BRF1: variants seen among roughly 807,000 people sequenced by gnomAD.
BRF1 encodes BRF1 general transcription factor IIIB subunit, also known as transcription factor IIIB 90 kDa subunit.
A neutral mutation model predicts 81.7 loss-of-function variants in BRF1; 59 were observed. The ratio of observed to expected loss-of-function variants is 0.72; its 90% CI spans 0.59 to 0.90. The LOEUF (loss-of-function observed/expected upper bound fraction) is 0.90, where lower values mean the gene tolerates loss of function less well. Among genes scored for constraint, BRF1 ranks in the 40% least tolerant of loss-of-function variants. The probability of loss-of-function intolerance (pLI) is 0.00; values close to 1 mark genes in which losing one functional copy is unlikely to be tolerated. For missense variants in BRF1, 1,050 were observed against 936.3 expected, an observed-to-expected ratio of 1.12 and a Z score of -1.58; for synonymous variants, 491 against 395.6, an observed-to-expected ratio of 1.24 and a Z score of -2.86.
At chr14:105,288,989 T>A (rs1425542651) in intron 1 of BRF1, among the ~76,000 whole-genome samples, 1 of 145,916 alleles carries the variant, frequency 6.9e-6, no homozygotes. Context: ...TGAGCTGAGA[T>A]CGTGCCACTG....
intron 5 of BRF1, chr14:105,250,700 G>C (rs1048519197): frequency 6.3e-7 from 1 of 1,585,226 alleles, no homozygotes; most frequent in African/African-American, 1.3e-5. Context: ...CAGCAGGTCA[G>C]CGAGTGAGTG....
chr14:105,228,894 T>G lies in BRF1; in HGVS notation c.714A>C (p.Arg238Ser), dbSNP rs2054249067. 1 of 1,613,588 alleles carries G rather than the reference T, an allele frequency of 6.2e-7. No individual in the cohort carries two copies. Among genetic ancestry groups the G allele is most frequent in the Non-Finnish European group, 8.5e-7 (1 of 1,180,006 alleles). Residue 238 changes from arginine (R) to serine (S), a missense_variant, in exon 7 of 18, where the codon AGA becomes AGC. Physicochemically the swap from Arg to Ser is moderately radical, Grantham distance 110. Coordinates refer to ENST00000547530, the MANE Select transcript of BRF1 (RefSeq NM_001519.4). Reference protein sequence around the residue: ...LCGAALLVAARMHDFRRTVKE... With the variant: ...LCGAALLVAASMHDFRRTVKE... ...TCACAGTCCTCCTGAAGTCATGCAT[T>G]CTGGCTGCAACCAGGAGCGCTGGAA...
rs1020302194 is a variant in BRF1 at position 105,221,678 on chromosome 14, C to A, written c.1285G>T (p.Glu429Ter). The A allele has an allele frequency of 6.2e-7, 1 of 1,611,508 alleles. No individual in the cohort carries two copies. Among genetic ancestry groups the A allele is most frequent in the African/African-American group, 1.3e-5 (1 of 74,968 alleles). ...TCGCTGCTCTGAGAGGAGATGCATT[C>A]GCGGATGGAGTCTGAGATGCCCAGG... is the stretch of plus-strand genomic sequence containing the variant. ...ASLGISDSIR[E>*]CISSQSSDPK... Residue 429 changes from glutamate (E) to a stop codon, truncating the protein, a stop_gained, in exon 11 of 18, where the codon GAA (glutamate) becomes TAA (stop). Coordinates refer to ENST00000547530, the MANE Select transcript of BRF1 (RefSeq NM_001519.4). LOFTEE classifies it high-confidence loss of function.
chr14:105,221,494 G>T, intron 11 of BRF1, 154 bp downstream of exon 11: 1 of 1,080,994 alleles, frequency 9.3e-7, no homozygotes, highest in Non-Finnish European at 1.3e-6. Flanking sequence ...CAGCCCCATT[G>T]GGGGGACTGG....
At chr14:105,217,472 G>C in intron 15 of BRF1, 72 bp downstream of exon 15, 1 of 1,569,504 alleles carries the variant, frequency 6.4e-7, no homozygotes, top group Non-Finnish European at 8.7e-7. Context: ...GGCAGCTCCA[G>C]GACCCGAAGC....
upstream of BRF1, among the ~76,000 whole-genome samples, chr14:105,303,968 C>T (rs144095789): frequency 6.6e-6 from 1 of 152,336 alleles, no homozygotes; most frequent in African/African-American, 2.4e-5. Context: ...CAATCTGAGG[C>T]CATGTGGCCA....
intron 5 of BRF1, among the ~76,000 whole-genome samples, chr14:105,245,992 G>C (rs1007412215): frequency 6.6e-6 from 1 of 152,176 alleles, no homozygotes; most frequent in African/African-American, 2.4e-5. Flanking sequence ...CCTATAGAAT[G>C]GAAGAGACTA....
chr14:105,229,155 G>A (rs1354355154), intron 6 of BRF1, among the ~76,000 whole-genome samples: 1 of 152,190 alleles, frequency 6.6e-6, no homozygotes, highest in East Asian at 1.9e-4. Context: ...TAAAATGAAG[G>A]CTTCCGAGAG....
intron 7 of BRF1, among the ~76,000 whole-genome samples, 179 bp downstream of exon 7, chr14:105,228,641 C>G (rs149999008): frequency 2.6e-5 from 4 of 151,850 alleles, no homozygotes; most frequent in African/African-American, 9.7e-5. Flanking sequence ...TGGAGGGAGG[C>G]GAGGCAGCCC....
rs2057242560 is a variant in BRF1, at chr14:105,284,554, C to A, written c.265+1742G>T. Among the ~76,000 whole-genome samples the A allele has an allele frequency of 6.6e-6, 1 of 152,050 alleles. No homozygotes were observed. Among genetic ancestry groups the A allele is most frequent in the Non-Finnish European group, 1.5e-5 (1 of 67,998 alleles). ...TCTACCTGTCCCGACCACCTTCCAG[C>A]ATCCACACTAAGGCTGCAGGACATG... On this transcript the variant is annotated intron_variant, in intron 2 of 17. Coordinates refer to ENST00000547530, the MANE Select transcript of BRF1 (RefSeq NM_001519.4). This position sits in a 1 kb window ranked among gnomAD's most constrained non-coding sequence, Gnocchi z 4.0.
At chr14:105,219,963 GCTCT>G (rs1294557595) in intron 12 of BRF1, 102 bp downstream of exon 12, 7 of 1,267,770 alleles carry the variant, frequency 5.5e-6, no homozygotes, top group Non-Finnish European at 7.8e-6. Context: ...AGCGGGGTGG[GCTCT>G]GGGCAGGGGA....
Position 105,271,302 on chromosome 14 carries a change from G to T in BRF1, c.439+1419C>A, listed in dbSNP as rs911898718. ...AAAGGCCTGATGGGCTCACACTGCC[G>T]TGAGATTTCTGAACGTGGAGATTAG... On this transcript the variant is annotated intron_variant, in intron 3 of 17. Transcript: ENST00000547530. The surrounding 1 kb of genome is among the most constrained non-coding windows in gnomAD (Gnocchi z 5.5). Among the ~76,000 whole-genome samples the T allele has an allele frequency of 6.6e-6, 1 of 152,244 alleles. No individual in the cohort carries two copies. Among genetic ancestry groups the T allele is most frequent in the Non-Finnish European group, 1.5e-5 (1 of 68,048 alleles).
chr14:105,286,949 T>C (rs1018615770), intron 1 of BRF1, among the ~76,000 whole-genome samples: 2 of 152,020 alleles, frequency 1.3e-5, no homozygotes, highest in Admixed American at 6.5e-5. Flanking sequence ...CACTCAGATA[T>C]CACTCCTGCA....
intron 7 of BRF1, chr14:105,228,126 G>A (rs1478496671): frequency 6.6e-6 from 1 of 152,200 alleles, no homozygotes; most frequent in Non-Finnish European, 1.5e-5. Context: ...GCTTCTCACT[G>A]GGACAGGGGT....
chr14:105,282,499 G>A (rs921072264), intron 2 of BRF1, among the ~76,000 whole-genome samples: 1 of 152,226 alleles, frequency 6.6e-6, no homozygotes, highest in Non-Finnish European at 1.5e-5. Flanking sequence ...GGAGGCCGTG[G>A]GCCAAGCTTG....
intron 1 of BRF1, among the ~76,000 whole-genome samples, chr14:105,310,399 A>G (rs1182828464): frequency 5.9e-5 from 9 of 151,896 alleles, no homozygotes; most frequent in Admixed American, 1.3e-4. Context: ...GCGTGGTGGC[A>G]GGCGCCTGTA....
intron 11 of BRF1, among the ~76,000 whole-genome samples, chr14:105,221,254 G>A (rs1041246134): frequency 2.6e-5 from 4 of 152,196 alleles, no homozygotes; most frequent in Non-Finnish European, 5.9e-5. Context: ...ATGGGGCAGG[G>A]GTGCCTCGTC....
At chr14:105,273,378 G>T (rs891804584) in intron 2 of BRF1, among the ~76,000 whole-genome samples, 26 of 152,278 alleles carry the variant, frequency 1.7e-4, no homozygotes, top group Non-Finnish European at 2.8e-4. Context: ...CCCTGCGCCC[G>T]CCAGCCTCTC....
In BRF1 at chr14:105,226,736, G is replaced by A. The variant is rs147753309; in HGVS notation, c.813C>T (p.Pro271=). ...ACTCATCAATGGTCAACTGACTGGT[G>A]GGGGTGTCTTCAAATTCCGTGAGCC... ...RKRLTEFEDT[P]TSQLTIDEFM... Residue 271 remains proline (P), a synonymous_variant, in exon 8 of 18, where the codon CCC becomes CCT. Coordinates refer to ENST00000547530, the MANE Select transcript of BRF1 (RefSeq NM_001519.4). 17 of 1,613,566 alleles carry A rather than the reference G, an allele frequency of 1.1e-5. No individual in the cohort carries two copies. The African/African-American group carries it at 2.3e-4, about 22-fold the overall frequency.
Sources: allele counts gnomAD v4.1 joint callset (sites outside exome capture counted in the v4.1 genomes callset), GRCh38; gene constraint gnomAD v4.1.1; non-coding constraint Gnocchi (gnomAD v3.1); transcripts MANE v1.5; gene names NCBI Gene and HGNC (gene_info 2026-07-23, HGNC 2026-07-21).